KIF27: variants seen among roughly 807,000 people sequenced by gnomAD.
KIF27 encodes the protein kinesin-like protein KIF27.
Under a neutral mutation model 141.8 loss-of-function variants are expected in KIF27, and 84 were observed. The observed-to-expected ratio is 0.59, with a 90% CI of 0.50 to 0.71. KIF27 has a LOEUF of 0.71. Ranked by LOEUF, KIF27 falls within the 30% of genes least tolerant of loss-of-function variation. KIF27 has a pLI of 0.00. For synonymous variants in KIF27, 471 were observed against 569.5 expected, an observed-to-expected ratio of 0.83 and a Z score of 2.46; for missense variants, 1,306 against 1,628.4, an observed-to-expected ratio of 0.80 and a Z score of 3.41.
intron 6 of KIF27, among the ~76,000 whole-genome samples, chr9:83,890,143 T>C (rs1263194621): frequency 1.3e-5 from 2 of 152,204 alleles, no homozygotes; most frequent in Non-Finnish European, 2.9e-5. Flanking sequence ...ACACAGTGTT[T>C]AGGATTTAAT....
intron 11 of KIF27, among the ~76,000 whole-genome samples, chr9:83,872,268 C>T (rs1293166880): frequency 3.3e-5 from 5 of 152,194 alleles, no homozygotes; most frequent in African/African-American, 4.8e-5. Flanking sequence ...GAGCTGAGAT[C>T]GCGCCACTGC....
At chr9:83,865,183 C>T (rs1179359360) in intron 13 of KIF27, among the ~76,000 whole-genome samples, 9 of 152,090 alleles carry the variant, frequency 5.9e-5, no homozygotes, top group Non-Finnish European at 1.3e-4. Context: ...TCTGGAATTC[C>T]CATTACTTGG....
intron 11 of KIF27, among the ~76,000 whole-genome samples, chr9:83,871,816 G>A (rs1950819369): frequency 1.3e-5 from 2 of 151,736 alleles, no homozygotes; most frequent in African/African-American, 2.4e-5. Context: ...AGCCTCCTGA[G>A]TAGCTGGTAT....
chr9:83,882,127 G>C (rs12377335), intron 10 of KIF27, among the ~76,000 whole-genome samples: 103,010 of 151,974 alleles, frequency 0.68, 35,753 homozygotes, highest in African/African-American at 0.81. Context: ...CTTTCTGAGG[G>C]CGAGACGGGT....
At chr9:83,865,394 T>A (rs1264909208) in intron 13 of KIF27, among the ~76,000 whole-genome samples, 2 of 152,036 alleles carry the variant, frequency 1.3e-5, no homozygotes, top group Non-Finnish European at 2.9e-5. Flanking sequence ...GCCTCTCAGG[T>A]TCAAGTGATT....
intron 13 of KIF27, among the ~76,000 whole-genome samples, chr9:83,865,366 C>T (rs1950271560): frequency 6.6e-6 from 1 of 152,004 alleles, no homozygotes; most frequent in African/African-American, 2.4e-5. Flanking sequence ...GGCATGGTCT[C>T]GGCTCACTGC....
intron 6 of KIF27, 22 bp downstream of exon 6, chr9:83,891,273 G>A: frequency 6.3e-7 from 1 of 1,599,216 alleles, no homozygotes; most frequent in Non-Finnish European, 8.6e-7. Context: ...TCCAAATAAG[G>A]AAAAGATTGT....
intron 16 of KIF27, among the ~76,000 whole-genome samples, 171 bp from the exon 17 acceptor site, chr9:83,842,572 TCTC>T (rs1946708657): frequency 6.6e-6 from 1 of 152,142 alleles, no homozygotes; most frequent in Non-Finnish European, 1.5e-5. Context: ...TTCACACCAT[TCTC>T]CTGCCTCCGC....
At chr9:83,882,328 C>G (rs934398567) in intron 10 of KIF27, among the ~76,000 whole-genome samples, 25 of 152,028 alleles carry the variant, frequency 1.6e-4, no homozygotes, top group African/African-American at 5.8e-4. Context: ...TGCCACTGCA[C>G]TCCAGCCTGG....
intron 11 of KIF27, among the ~76,000 whole-genome samples, chr9:83,872,884 G>A (rs1950908730): frequency 1.3e-5 from 2 of 152,212 alleles, no homozygotes; most frequent in Non-Finnish European, 1.5e-5. Context: ...CTGCAGTGCA[G>A]AAGCCCCACA....
At chr9:83,884,134 T>G in intron 9 of KIF27, 116 bp from the exon 10 acceptor site, 1 of 695,884 alleles carries the variant, frequency 1.4e-6, no homozygotes, top group Non-Finnish European at 2.2e-6. Context: ...ATTTAAGGCA[T>G]AGCATTAAAA....
rs573661230 is a variant in KIF27 at position 83,896,168 on chromosome 9, G to A, written c.1602+3493C>T. 6.1e-4 allele frequency among the ~76,000 whole-genome samples: 93 copies of A among 152,098 alleles called. No homozygotes were observed. The East Asian group carries it at 9.1e-3, about 15-fold the overall frequency. Reference sequence around the variant, plus strand: ...TGAGGCAGGAGAATCGCTTGAGCCCGGGAGGCAGAGGTTGCAGTGAGCGGA... The same window carrying A: ...TGAGGCAGGAGAATCGCTTGAGCCCAGGAGGCAGAGGTTGCAGTGAGCGGA... On this transcript the variant is annotated intron_variant, in intron 5 of 17. Transcript: ENST00000297814.
chr9:83,840,313 T>C (rs1430708735), intron 17 of KIF27, among the ~76,000 whole-genome samples: 1 of 152,112 alleles, frequency 6.6e-6, no homozygotes, highest in Non-Finnish European at 1.5e-5. Flanking sequence ...TTTTAAATGT[T>C]TCTAGGTAGA....
In KIF27 at chr9:83,886,919, T is replaced by C; in HGVS notation, c.2239+122A>G. The C allele has an allele frequency of 2.7e-6, 3 of 1,112,768 alleles. No individual in the cohort carries two copies. In the South Asian group the frequency reaches 6.7e-5, roughly 25 times the overall value. The allele number at this position is 1,112,768 out of a possible 1,614,324, so 68.9% of individuals were successfully genotyped here. ...ATATTGGCCTAAAAACTCACCTTGT[T>C]ACACCAATCCAAGCTAAGTGGATAG... On this transcript the variant is annotated intron_variant, in intron 9 of 17. Coordinates refer to ENST00000297814, the MANE Select transcript of KIF27 (RefSeq NM_017576.4).
chr9:83,905,230 T>C (rs1403651690), intron 3 of KIF27, among the ~76,000 whole-genome samples: 1 of 152,062 alleles, frequency 6.6e-6, no homozygotes, highest in African/African-American at 2.4e-5. Context: ...ACCATTCTCC[T>C]GCCTCAGCCT....
intron 10 of KIF27, among the ~76,000 whole-genome samples, chr9:83,881,318 C>T (rs1446925255): frequency 6.6e-6 from 1 of 152,206 alleles, no homozygotes; most frequent in Non-Finnish European, 1.5e-5. Flanking sequence ...TAGCATTGCA[C>T]TAAATACCAA....
chr9:83,920,931 A>AT (rs1956210188), intron 1 of KIF27, among the ~76,000 whole-genome samples: 1 of 147,452 alleles, frequency 6.8e-6, no homozygotes, highest in African/African-American at 2.5e-5. Flanking sequence ...CTACGGTGGG[A>AT]AAAAGACGCC....
intron 1 of KIF27, among the ~76,000 whole-genome samples, chr9:83,919,555 A>G (rs1171773543): frequency 6.6e-6 from 1 of 152,080 alleles, no homozygotes; most frequent in Non-Finnish European, 1.5e-5. Flanking sequence ...TATTTTATTA[A>G]TAACACTAAC....
chr9:83,920,260 A>AC (rs1956123873), intron 1 of KIF27, among the ~76,000 whole-genome samples: 1 of 152,238 alleles, frequency 6.6e-6, no homozygotes, highest in African/African-American at 2.4e-5. Context: ...CCACAAACAT[A>AC]GGGCTTGTAA....
Sources: gnomAD v4.1 joint callset for allele counts (sites outside exome capture counted in the v4.1 genomes callset) on GRCh38, gnomAD v4.1.1 for gene constraint, MANE v1.5 for transcripts, NCBI Gene and HGNC (gene_info 2026-07-23, HGNC 2026-07-21) for gene names.